Variants in PHF2 observed in about 807,000 individuals in gnomAD.
The protein encoded by PHF2 is PHD finger protein 2.
A neutral mutation model predicts 120.5 loss-of-function variants in PHF2; 27 were observed. The observed-to-expected ratio is 0.22, with a 90% CI of 0.17 to 0.31. The LOEUF (loss-of-function observed/expected upper bound fraction) is 0.31, where lower values mean the gene tolerates loss of function less well. PHF2 is among the 10% of genes least tolerant of loss of function. PHF2 has a pLI of 1.00. For missense variants in PHF2, 1,024 were observed against 1,434.8 expected (o/e 0.71, Z 4.63); for synonymous variants, 568 against 592.5 (o/e 0.96, Z 0.60).
intron 3 of PHF2, among the ~76,000 whole-genome samples, chr9:93,642,362 A>G (rs1258915694): frequency 6.6e-6 from 1 of 152,188 alleles, no homozygotes; most frequent in African/African-American, 2.4e-5. Flanking sequence ...TTAGTTTTCC[A>G]TTGTTTCTTG....
intron 17 of PHF2, among the ~76,000 whole-genome samples, chr9:93,671,456 A>G (rs1353480425): frequency 1.1e-5 from 1 of 88,544 alleles, no homozygotes; most frequent in Non-Finnish European, 2.3e-5. Flanking sequence ...GGATGTAGGT[A>G]CAGGTGTAGA....
rs1436793623 is a variant in PHF2, at chr9:93,677,838, G to A, written c.*162G>A. ...CGTCTGTCCCTTCAGCCGGCAGAGC[G>A]AGCCCAGCGTGGCCCCTCAATTTGA... On this transcript the variant is annotated 3_prime_UTR_variant, in exon 22 of 22. Transcript: ENST00000359246. The surrounding 1 kb of genome is among the most constrained non-coding windows in gnomAD (Gnocchi z 4.4). 8.2e-6 allele frequency: 5 copies of A among 607,640 alleles called. No individual in the cohort carries two copies. The highest frequency in any genetic ancestry group is 1.9e-5 in the African/African-American group (1 of 53,776). 37.6% of individuals were successfully genotyped at this position (607,640 alleles called of 1,614,324 possible).
rs561267236 is a variant in PHF2 at position 93,608,007 on chromosome 9, G to C, written c.99-21963G>C. ...GACGGAGGGAGATGAGAGAGAGAGA[G>C]AGAAGGAAAGGAGGAAGGAAAGAAA... On this transcript the variant is annotated intron_variant, in intron 1 of 21. Transcript: ENST00000359246. Among the ~76,000 whole-genome samples, 51 of 115,604 alleles carry C rather than the reference G, an allele frequency of 4.4e-4. 3 individuals carry two copies. In the East Asian group the frequency reaches 9.5e-3, roughly 22 times the overall value. The allele number at this position is 115,604 out of a possible 152,430, so 75.8% of individuals were successfully genotyped here.
intron 12 of PHF2, among the ~76,000 whole-genome samples, chr9:93,662,558 GGATGGATGGA>G (rs1332682863): frequency 0.05 from 7,528 of 151,396 alleles, 252 homozygotes; most frequent in Non-Finnish European, 0.072. Context: ...ATGGATGGAT[GGATGGATGGA>G]TGGATGAACA....
intron 1 of PHF2, 65 bp from the exon 2 acceptor site, chr9:93,629,905 G>A (rs1301900321): frequency 3.1e-5 from 47 of 1,494,190 alleles, no homozygotes; most frequent in African/African-American, 6.9e-5. Flanking sequence ...CTAGAGCTTC[G>A]CAGATGGAAA....
intron 3 of PHF2, among the ~76,000 whole-genome samples, chr9:93,641,199 C>T (rs935728072): frequency 6.6e-6 from 1 of 152,278 alleles, no homozygotes; most frequent in East Asian, 1.9e-4. Flanking sequence ...CAAATGCTTT[C>T]CCCATGTCCA....
intron 1 of PHF2, among the ~76,000 whole-genome samples, chr9:93,587,565 A>G (rs1863078317): frequency 6.6e-6 from 1 of 151,250 alleles, no homozygotes; most frequent in Admixed American, 6.6e-5. Flanking sequence ...GGGATGATGG[A>G]GGAGTCCTGG....
rs200106707 is a variant in PHF2, at chr9:93,667,094, G to A, written c.2202G>A (p.Ser734=). 3.7e-5 allele frequency: 60 copies of A among 1,612,820 alleles called. No homozygotes were observed. The highest frequency in any genetic ancestry group is 4.2e-5 in the Non-Finnish European group (50 of 1,179,918). The change falls in exon 17 of 22, where the codon TCG becomes TCA. Residue 734 remains serine, a synonymous_variant. Transcript: ENST00000359246. ...DSAAYKSDDS[S]DEGSLHIDTD... ...TCGCGCAGCAGAGTGATGACTCCTC[G>A]GACGAGGGTTCGCTGCACATCGACA...
intron 1 of PHF2, among the ~76,000 whole-genome samples, chr9:93,586,370 A>G (rs1008129026): frequency 6.6e-6 from 1 of 152,258 alleles, no homozygotes; most frequent in Non-Finnish European, 1.5e-5. Context: ...GCAGCCAGGC[A>G]GGGAGAGGTT....
intron 1 of PHF2, among the ~76,000 whole-genome samples, chr9:93,582,463 T>C (rs1862949532): frequency 1.3e-5 from 2 of 152,214 alleles, no homozygotes; most frequent in African/African-American, 4.8e-5. Context: ...TCTCAGGGTC[T>C]CTCGCTGTAG....
intron 2 of PHF2, among the ~76,000 whole-genome samples, chr9:93,632,937 A>G (rs1168856596): frequency 1.2e-5 from 1 of 82,764 alleles, no homozygotes; most frequent in Non-Finnish European, 2.8e-5. Context: ...CTGTGCCCAG[A>G]GGCTATGATG....
At chr9:93,605,933 A>G (rs960015564) in intron 1 of PHF2, among the ~76,000 whole-genome samples, 2 of 152,102 alleles carry the variant, frequency 1.3e-5, no homozygotes, top group Non-Finnish European at 2.9e-5. Context: ...CAAGGAGTAT[A>G]ATGATTGCTG....
intron 1 of PHF2, among the ~76,000 whole-genome samples, chr9:93,610,002 CT>C (rs1016379547): frequency 1.3e-5 from 2 of 152,048 alleles, no homozygotes; most frequent in African/African-American, 2.4e-5. Context: ...ACCTCCCTGA[CT>C]TTTTTCAAGA....
intron 1 of PHF2, among the ~76,000 whole-genome samples, chr9:93,622,083 T>C (rs981854520): frequency 6.6e-6 from 1 of 152,202 alleles, no homozygotes; most frequent in African/African-American, 2.4e-5. Context: ...CTTCCTGTGC[T>C]GAGTCACTGG....
At chr9:93,639,504 A>G (rs971757145) in intron 3 of PHF2, among the ~76,000 whole-genome samples, 1 of 152,138 alleles carries the variant, frequency 6.6e-6, no homozygotes, top group Non-Finnish European at 1.5e-5. Flanking sequence ...ACATATGACC[A>G]TGTCATTTGC....
chr9:93,676,850 G>T lies in PHF2; in HGVS notation c.3089G>T (p.Gly1030Val). The change falls in exon 21 of 22, where the codon GGC (glycine) becomes GTC (valine). Residue 1030 changes from glycine to valine, a missense_variant. Transcript: ENST00000359246. The part of the protein sequence containing the change: ...SLADHEYTAA[G>V]TFTGAQAGRT... ...GCGGACCATGAGTACACAGCCGCTG[G>T]CACCTTCACCGGGGCCCAGGCTGGC... 1.9e-6 allele frequency: 3 copies of T among 1,564,286 alleles called. No individual in the cohort carries two copies. The highest frequency in any genetic ancestry group is 2.6e-6 in the Non-Finnish European group (3 of 1,154,234).
rs139686394 is a variant in PHF2, at chr9:93,635,591, A to G, written c.185-820A>G. ...GAGCTAGGGACTTAGCGGGGTGGAG[A>G]GGAAATTGCTTCCCTCCCCTTAGGG... On this transcript the variant is annotated intron_variant, in intron 2 of 21. Transcript: ENST00000359246. Among the ~76,000 whole-genome samples, 21 of 152,216 alleles carry G rather than the reference A, an allele frequency of 1.4e-4. No individual in the cohort carries two copies. The East Asian group carries it at 3.3e-3, about 24-fold the overall frequency.
At chr9:93,620,564 G>T (rs966190585) in intron 1 of PHF2, among the ~76,000 whole-genome samples, 2 of 152,238 alleles carry the variant, frequency 1.3e-5, no homozygotes, top group Admixed American at 1.3e-4. Flanking sequence ...CCACAAGCAC[G>T]TGGATATCTG....
chr9:93,578,223 G>A (rs1301637166), intron 1 of PHF2, among the ~76,000 whole-genome samples: 1 of 152,164 alleles, frequency 6.6e-6, no homozygotes. Context: ...GAAGGGCCTG[G>A]GACTCTGTGG....
Sources: gnomAD v4.1 joint callset for allele counts (sites outside exome capture counted in the v4.1 genomes callset) on GRCh38, gnomAD v4.1.1 for gene constraint, Gnocchi (gnomAD v3.1) non-coding constraint, MANE v1.5 for transcripts, NCBI Gene and HGNC (gene_info 2026-07-23, HGNC 2026-07-21) for gene names.